Variants in SCHIP1 observed in about 807,000 individuals in gnomAD.
SCHIP1 encodes the protein schwannomin interacting protein 1, also known as schwannomin-interacting protein 1.
Under a neutral mutation model 29.7 loss-of-function variants are expected in SCHIP1, and 8 were observed. The ratio of observed to expected loss-of-function variants is 0.27; its 90% confidence interval spans 0.16 to 0.49. The LOEUF (loss-of-function observed/expected upper bound fraction) is 0.49. Among genes scored for constraint, SCHIP1 ranks in the 20% least tolerant of loss-of-function variants. The pLI, the probability that SCHIP1 is intolerant of heterozygous loss-of-function variation, is 0.99. For missense variants in SCHIP1, 193 were observed against 294.6 expected (o/e 0.66, Z 2.52); for synonymous variants, 76 against 94.9 (o/e 0.80, Z 1.16).
chr3:159,674,326 C>T, the SCHIP1 span, among the ~76,000 whole-genome samples: 3 of 152,104 alleles, frequency 2.0e-5, no homozygotes, highest in Non-Finnish European at 4.4e-5. Context: ...CAAGCTAAGT[C>T]CCCAGCACTG....
chr3:159,717,237 T>C, the SCHIP1 span, among the ~76,000 whole-genome samples: 6 of 152,262 alleles, frequency 3.9e-5, no homozygotes, highest in Admixed American at 3.9e-4. Flanking sequence ...AAGCAGTGTG[T>C]AGAGGGAAAT....
the SCHIP1 span, among the ~76,000 whole-genome samples, chr3:159,755,175 C>T: frequency 6.6e-6 from 1 of 152,218 alleles, no homozygotes; most frequent in African/African-American, 2.4e-5. Context: ...GCGGAGCTTG[C>T]AGTGAGCCAA....
At chr3:159,565,892 C>T in the SCHIP1 span, among the ~76,000 whole-genome samples, 1 of 152,176 alleles carries the variant, frequency 6.6e-6, no homozygotes, top group Non-Finnish European at 1.5e-5. Flanking sequence ...GAACATCTTA[C>T]TACTTAAATT....
At chr3:159,812,507 GA>G in the SCHIP1 span, among the ~76,000 whole-genome samples, 1 of 152,296 alleles carries the variant, frequency 6.6e-6, no homozygotes. Flanking sequence ...AAACAATGGA[GA>G]AAACCGAATT....
chr3:159,537,047 A>T, the SCHIP1 span, among the ~76,000 whole-genome samples: 1 of 152,118 alleles, frequency 6.6e-6, no homozygotes, highest in African/African-American at 2.4e-5. Context: ...TTTTGCTTTT[A>T]CCCAGACAGC....
the SCHIP1 span, among the ~76,000 whole-genome samples, chr3:159,692,640 G>T: frequency 6.6e-6 from 1 of 152,084 alleles, no homozygotes; most frequent in Non-Finnish European, 1.5e-5. Context: ...TTTTATCAAG[G>T]TTCTTAGCTT....
At chr3:159,549,396 C>T in the SCHIP1 span, among the ~76,000 whole-genome samples, 92 of 152,188 alleles carry the variant, frequency 6.0e-4, no homozygotes, top group Non-Finnish European at 9.7e-4. Context: ...GACCTAACCT[C>T]CTCGTGTGGC....
At chr3:159,652,316 T>G in the SCHIP1 span, among the ~76,000 whole-genome samples, 60 of 152,312 alleles carry the variant, frequency 3.9e-4, no homozygotes, top group African/African-American at 1.4e-3. Context: ...GGTAAGGTAG[T>G]GATTGGTGGT....
chr3:159,432,962 C>T, the SCHIP1 span, among the ~76,000 whole-genome samples: 1 of 152,118 alleles, frequency 6.6e-6, no homozygotes, highest in South Asian at 2.1e-4. Flanking sequence ...TGTCCAGCTG[C>T]TTAGAGTAGG....
chr3:159,840,004 T>G (rs906131476), exon 1 of SCHIP1: 1 of 1,433,900 alleles, frequency 7.0e-7, no homozygotes, highest in Non-Finnish European at 9.1e-7. Context: ...AGCTGCGCGC[T>G]TCCCGGCACA....
At chr3:159,740,993 C>T in the SCHIP1 span, among the ~76,000 whole-genome samples, 78 of 152,112 alleles carry the variant, frequency 5.1e-4, no homozygotes, top group African/African-American at 1.8e-3. Flanking sequence ...CCAAGTCATC[C>T]ACCTCACCCA....
the SCHIP1 span, among the ~76,000 whole-genome samples, chr3:159,516,882 G>C: frequency 6.6e-6 from 1 of 152,134 alleles, no homozygotes; most frequent in Admixed American, 6.5e-5. Flanking sequence ...CATCATTTTA[G>C]CCACTGATCC....
chr3:159,666,815 A>G, the SCHIP1 span, among the ~76,000 whole-genome samples: 1 of 152,192 alleles, frequency 6.6e-6, no homozygotes, highest in African/African-American at 2.4e-5. Flanking sequence ...GCCAGAGAGC[A>G]ATGGTGAGAC....
chr3:159,757,621 C>A, the SCHIP1 span, among the ~76,000 whole-genome samples: 1 of 152,192 alleles, frequency 6.6e-6, no homozygotes, highest in East Asian at 1.9e-4. Context: ...CCTGGAGGCA[C>A]CTAAGTTACA....
chr3:159,563,785 C>A, the SCHIP1 span, among the ~76,000 whole-genome samples: 1 of 151,996 alleles, frequency 6.6e-6, no homozygotes, highest in Non-Finnish European at 1.5e-5. Flanking sequence ...TGATAGCACA[C>A]TGAACTCCAG....
the SCHIP1 span, among the ~76,000 whole-genome samples, chr3:159,398,245 A>C: frequency 6.6e-6 from 1 of 152,100 alleles, no homozygotes; most frequent in Non-Finnish European, 1.5e-5. Context: ...TAGTGAGATG[A>C]ACCCGGTACC....
the SCHIP1 span, among the ~76,000 whole-genome samples, chr3:159,593,399 T>C: frequency 1.3e-5 from 2 of 152,182 alleles, no homozygotes; most frequent in East Asian, 3.9e-4. Flanking sequence ...AGGCCCCACT[T>C]GGAGGAGGTC....
At chr3:159,787,496 T>C in the SCHIP1 span, among the ~76,000 whole-genome samples, 1 of 152,238 alleles carries the variant, frequency 6.6e-6, no homozygotes, top group Admixed American at 6.5e-5. Flanking sequence ...GCGGAATGGA[T>C]TCCTAGTGAA....
chr3:159,739,868 C>G, the SCHIP1 span, among the ~76,000 whole-genome samples: 20 of 152,200 alleles, frequency 1.3e-4, no homozygotes, highest in Non-Finnish European at 2.9e-5. Context: ...ACAACTGCGA[C>G]CAAGTCTACA....
Sources: gnomAD v4.1 joint callset for allele counts (sites outside exome capture counted in the v4.1 genomes callset) on GRCh38, gnomAD v4.1.1 for gene constraint, MANE v1.5 for transcripts, NCBI Gene and HGNC (gene_info 2026-07-23, HGNC 2026-07-21) for gene names.